The following SKAP2 variants were observed in gnomAD, a reference collection of about 807,000 sequenced individuals.
SKAP2 encodes src kinase-associated phosphoprotein 2.
A neutral mutation model predicts 54.9 loss-of-function variants in SKAP2; 28 were observed. The ratio of observed to expected loss-of-function variants is 0.51; its 90% CI spans 0.38 to 0.70. The LOEUF (loss-of-function observed/expected upper bound fraction) is 0.70, where lower values mean the gene tolerates loss of function less well. Ranked by LOEUF, SKAP2 falls within the 30% of genes least tolerant of loss-of-function variation. The pLI, the probability that SKAP2 is intolerant of heterozygous loss-of-function variation, is 0.00. For synonymous variants in SKAP2, 137 were observed against 134.3 expected (o/e 1.02, Z -0.14); for missense variants, 356 against 424.1 (o/e 0.84, Z 1.41).
chr7:26,744,565 G>A (rs1029552605), intron 4 of SKAP2, among the ~76,000 whole-genome samples: 14 of 152,100 alleles, frequency 9.2e-5, no homozygotes, highest in African/African-American at 3.1e-4. Flanking sequence ...TAGAGTTGAG[G>A]AGAATGGGAG....
At chr7:26,819,685 TAA>T (rs1784352393) in intron 4 of SKAP2, among the ~76,000 whole-genome samples, 3 of 152,196 alleles carry the variant, frequency 2.0e-5, no homozygotes, top group Non-Finnish European at 4.4e-5. Flanking sequence ...CTTCAGTTGT[TAA>T]AAGACAGCAT....
At chr7:26,705,627 A>C (rs1787140188) in intron 9 of SKAP2, among the ~76,000 whole-genome samples, 1 of 152,224 alleles carries the variant, frequency 6.6e-6, no homozygotes, top group Admixed American at 6.5e-5. Context: ...AGCTTTGGAA[A>C]ATAATTTCTG....
intron 4 of SKAP2, among the ~76,000 whole-genome samples, chr7:26,759,977 T>C (rs1782888031): frequency 6.6e-6 from 1 of 151,600 alleles, no homozygotes; most frequent in African/African-American, 2.4e-5. Flanking sequence ...GAAAAAAAGA[T>C]GCATTTCCAC....
chr7:26,813,122 A>ATTT (rs1562620578), intron 4 of SKAP2, among the ~76,000 whole-genome samples: 3 of 151,882 alleles, frequency 2.0e-5, no homozygotes, highest in Non-Finnish European at 2.9e-5. Context: ...AATTTTTTTA[A>ATTT]AAATTATTAG....
chr7:26,857,310 T>TAA (rs59046895), intron 1 of SKAP2: 3,881 of 91,134 alleles, frequency 0.043, 243 homozygotes, highest in African/African-American at 0.071. Context: ...CTGCTTTGCT[T>TAA]AAAAAAAAAA....
chr7:26,748,945 T>A (rs1782619438), intron 4 of SKAP2, among the ~76,000 whole-genome samples: 1 of 152,170 alleles, frequency 6.6e-6, no homozygotes, highest in Admixed American at 6.6e-5. Flanking sequence ...AGTTTTCAAA[T>A]CTTTCAATGT....
chr7:26,690,238 GA>G, intron 10 of SKAP2, 46 bp downstream of exon 10: 3 of 1,323,746 alleles, frequency 2.3e-6, no homozygotes, highest in Non-Finnish European at 3.3e-6. Context: ...AAATGAAAGT[GA>G]ACAAAAGCAA....
intron 3 of SKAP2, among the ~76,000 whole-genome samples, chr7:26,849,164 C>G (rs532490189): frequency 1.3e-5 from 2 of 152,148 alleles, no homozygotes; most frequent in African/African-American, 4.8e-5. Flanking sequence ...GACTTTTCTG[C>G]TATTCTTATT....
At chr7:26,733,574 A>C (rs928049673) in intron 6 of SKAP2, among the ~76,000 whole-genome samples, 8 of 152,144 alleles carry the variant, frequency 5.3e-5, no homozygotes, top group Non-Finnish European at 1.0e-4. Context: ...AATATATTTT[A>C]TAATTTTCAA....
At chr7:26,658,975 T>A in the SKAP2 span, among the ~76,000 whole-genome samples, 1 of 152,244 alleles carries the variant, frequency 6.6e-6, no homozygotes, top group Non-Finnish European at 1.5e-5. Flanking sequence ...CCAGACCTCA[T>A]TAGAATTCAA....
chr7:26,784,040 G>C (rs1488693611), intron 4 of SKAP2, among the ~76,000 whole-genome samples: 1 of 150,850 alleles, frequency 6.6e-6, no homozygotes, highest in Non-Finnish European at 1.5e-5. Flanking sequence ...AAAATAGTCA[G>C]CTGCCACAAT....
intron 4 of SKAP2, among the ~76,000 whole-genome samples, chr7:26,836,261 A>ACTG (rs1784709154): frequency 6.6e-6 from 1 of 152,228 alleles, no homozygotes; most frequent in Non-Finnish European, 1.5e-5. Context: ...CCTAGGCTAT[A>ACTG]CCATTCAGTA....
intron 9 of SKAP2, among the ~76,000 whole-genome samples, chr7:26,712,746 A>C (rs753459806): frequency 2.0e-5 from 3 of 152,226 alleles, no homozygotes; most frequent in Non-Finnish European, 2.9e-5. Flanking sequence ...TTATTAGTAT[A>C]ATTATCATCA....
At position 26,725,945 on chromosome 7, in the gene SKAP2, C is replaced by T. The variant is rs1181813588; in HGVS notation, c.636G>A (p.Gln212=). 1 of 1,610,974 alleles carries T rather than the reference C, an allele frequency of 6.2e-7. No individual in the cohort carries two copies. Among genetic ancestry groups the T allele is most frequent in the Non-Finnish European group, 8.5e-7 (1 of 1,178,384 alleles). The change falls in exon 8 of 13, where the codon CAG becomes CAA. Residue 212 remains glutamine, a synonymous_variant. Coordinates refer to ENST00000345317, the MANE Select transcript of SKAP2 (RefSeq NM_003930.5). ...TACCTTGCAATACAAATTTCAGCTG[C>T]TGTACCCATTCTTCAGCATCTTTGG... is the stretch of plus-strand genomic sequence containing the variant. ...ASPKDAEEWV[Q]QLKFVLQDME... is the part of the protein sequence containing the mutation.
At chr7:26,686,396 C>T (rs114357314) in intron 10 of SKAP2, among the ~76,000 whole-genome samples, 1,613 of 152,152 alleles carry the variant, frequency 0.011, 27 homozygotes, top group African/African-American at 0.037. Flanking sequence ...ACCTTATTGA[C>T]TTCTCCACAC....
At chr7:26,784,906 G>T (rs532268425) in intron 4 of SKAP2, among the ~76,000 whole-genome samples, 1 of 152,212 alleles carries the variant, frequency 6.6e-6, no homozygotes, top group Non-Finnish European at 1.5e-5. Context: ...ATGAGCTAAT[G>T]AATATACAGA....
intron 4 of SKAP2, among the ~76,000 whole-genome samples, chr7:26,819,933 G>T (rs890215869): frequency 6.6e-6 from 1 of 152,114 alleles, no homozygotes; most frequent in Admixed American, 6.6e-5. Flanking sequence ...GCTGAGATAT[G>T]GATACATGTA....
chr7:26,793,617 A>T (rs1345789045), intron 4 of SKAP2, among the ~76,000 whole-genome samples: 1 of 152,204 alleles, frequency 6.6e-6, no homozygotes, highest in Non-Finnish European at 1.5e-5. Context: ...CTTAATCCCA[A>T]ATAAGAGGTA....
intron 3 of SKAP2, among the ~76,000 whole-genome samples, chr7:26,848,748 AATATAC>A (rs1431956492): frequency 6.6e-6 from 1 of 152,204 alleles, no homozygotes; most frequent in Non-Finnish European, 1.5e-5. Flanking sequence ...TATATAGCTA[AATATAC>A]ATAATTAAGC....
Sources: allele counts gnomAD v4.1 joint callset (sites outside exome capture counted in the v4.1 genomes callset), GRCh38; gene constraint gnomAD v4.1.1; transcripts MANE v1.5; gene names NCBI Gene and HGNC (gene_info 2026-07-23, HGNC 2026-07-21).